The following ANKRD30B variants were observed in gnomAD, a reference collection of about 807,000 sequenced individuals.
The protein encoded by ANKRD30B is ankyrin repeat domain 30B, also known as ankyrin repeat domain-containing protein 30B.
Under a neutral mutation model 202.2 loss-of-function variants are expected in ANKRD30B, and 144 were observed. The observed-to-expected ratio is 0.71, with a 90% CI of 0.62 to 0.82. The LOEUF is 0.82. Among genes scored for constraint, ANKRD30B ranks in the 40% least tolerant of loss-of-function variants. The pLI, the probability that ANKRD30B is intolerant of heterozygous loss-of-function variation, is 0.00. For synonymous variants in ANKRD30B, 508 were observed against 561.3 expected (o/e 0.91, Z 1.34); for missense variants, 1,487 against 1,669.1 (o/e 0.89, Z 1.90).
the ANKRD30B span, among the ~76,000 whole-genome samples, chr18:14,877,101 C>A: frequency 1.3e-5 from 2 of 152,212 alleles, no homozygotes; most frequent in South Asian, 4.1e-4. Flanking sequence ...CAATCGTGAG[C>A]ACCAGGCAAA....
the ANKRD30B span, among the ~76,000 whole-genome samples, chr18:14,863,287 G>A: frequency 6.6e-6 from 1 of 152,158 alleles, no homozygotes; most frequent in Non-Finnish European, 1.5e-5. Flanking sequence ...GAATCATGGG[G>A]GTGGACTCTT....
At chr18:14,863,954 A>T in the ANKRD30B span, among the ~76,000 whole-genome samples, 1 of 151,790 alleles carries the variant, frequency 6.6e-6, no homozygotes, top group African/African-American at 2.4e-5. Context: ...TATTTAACAT[A>T]TGCAAATCAA....
chr18:14,820,847 G>A (rs1395119159), intron 30 of ANKRD30B, among the ~76,000 whole-genome samples: 20 of 152,116 alleles, frequency 1.3e-4, no homozygotes, highest in African/African-American at 9.7e-5. Context: ...GTCTCTGCCC[G>A]GCTTTGGTAT....
chr18:14,800,157 A>G (rs1018449822), intron 22 of ANKRD30B, among the ~76,000 whole-genome samples: 1 of 151,258 alleles, frequency 6.6e-6, no homozygotes, highest in Non-Finnish European at 1.5e-5. Flanking sequence ...GCTTGAACCC[A>G]TGAGGCAGAA....
chr18:14,906,794 C>T, the ANKRD30B span, among the ~76,000 whole-genome samples: 1,023 of 151,634 alleles, frequency 6.7e-3, 19 homozygotes, highest in African/African-American at 0.023. Flanking sequence ...AGAACGTGTG[C>T]TCAAGGTGGT....
chr18:14,929,494 C>T, the ANKRD30B span, among the ~76,000 whole-genome samples: 1 of 152,184 alleles, frequency 6.6e-6, no homozygotes, highest in East Asian at 1.9e-4. Flanking sequence ...ATTCCCACTG[C>T]TCTTTTTTGA....
intron 36 of ANKRD30B, 104 bp downstream of exon 36, chr18:14,837,780 A>G (rs1568063968): frequency 4.8e-6 from 6 of 1,259,470 alleles, no homozygotes; most frequent in Non-Finnish European, 6.5e-6. Context: ...GATTATGTCC[A>G]TAAGGCGGGT....
the ANKRD30B span, among the ~76,000 whole-genome samples, chr18:14,894,387 A>G: frequency 6.6e-6 from 1 of 152,154 alleles, no homozygotes; most frequent in African/African-American, 2.4e-5. Context: ...TTCTGTTTTA[A>G]AAATTACTTT....
chr18:14,762,027 C>T lies in ANKRD30B; in HGVS notation c.820+1409C>T, dbSNP rs140547594. 3.0e-3 allele frequency among the ~76,000 whole-genome samples: 460 copies of T among 152,082 alleles called. 4 individuals carry two copies. Among genetic ancestry groups the T allele is most frequent in the African/African-American group, 9.1e-3 (379 of 41,482 alleles). On this transcript the variant is annotated intron_variant, in intron 6 of 43. Coordinates refer to ENST00000690538, the MANE Select transcript of ANKRD30B (RefSeq NM_001367607.2). Reference sequence around the variant, plus strand: ...GTTTCTATTTTATATGTACTATATACGGTATTCTTACAATAAAGTGAGCTG... The same window carrying T: ...GTTTCTATTTTATATGTACTATATATGGTATTCTTACAATAAAGTGAGCTG...
intron 34 of ANKRD30B, among the ~76,000 whole-genome samples, chr18:14,832,723 A>G (rs1414622768): frequency 6.6e-6 from 1 of 152,240 alleles, no homozygotes; most frequent in Non-Finnish European, 1.5e-5. Context: ...ATGCGTTTCT[A>G]AAATATGACT....
chr18:14,799,527 C>T (rs989316310), intron 22 of ANKRD30B, among the ~76,000 whole-genome samples: 16 of 152,080 alleles, frequency 1.1e-4, no homozygotes, highest in Admixed American at 5.9e-4. Context: ...TTTAATATCC[C>T]GATAGTATAA....
chr18:14,861,713 T>C, the ANKRD30B span, among the ~76,000 whole-genome samples: 1 of 151,436 alleles, frequency 6.6e-6, no homozygotes, highest in Non-Finnish European at 1.5e-5. Context: ...GTAAGCAGAT[T>C]AGTTAGGCAG....
At chr18:14,788,091 G>A (rs1025400739) in intron 15 of ANKRD30B, among the ~76,000 whole-genome samples, 1 of 152,170 alleles carries the variant, frequency 6.6e-6, no homozygotes, top group African/African-American at 2.4e-5. Context: ...GACTCTAAAA[G>A]TTCAAGACAG....
chr18:14,849,961 C>G (rs1413523210), intron 40 of ANKRD30B, among the ~76,000 whole-genome samples: 2 of 151,004 alleles, frequency 1.3e-5, no homozygotes, highest in East Asian at 3.9e-4. Flanking sequence ...TATTCTTTTC[C>G]ATAACAGTTG....
At chr18:14,798,790 T>A (rs116802806) in intron 20 of ANKRD30B, among the ~76,000 whole-genome samples, 9,257 of 152,062 alleles carry the variant, frequency 0.061, 1,003 homozygotes, top group African/African-American at 0.21. Context: ...CTGCAGGGGG[T>A]AGCACATCAC....
chr18:14,936,037 C>G, the ANKRD30B span, among the ~76,000 whole-genome samples: 1 of 152,246 alleles, frequency 6.6e-6, no homozygotes, highest in Non-Finnish European at 1.5e-5. Context: ...TCTAAAGCAG[C>G]TGGCAAAGCC....
chr18:14,929,727 A>G, the ANKRD30B span, among the ~76,000 whole-genome samples: 1 of 152,238 alleles, frequency 6.6e-6, no homozygotes, highest in East Asian at 1.9e-4. Flanking sequence ...TTACTGCCCC[A>G]TGGAGTTCAC....
At chr18:14,876,142 A>G in the ANKRD30B span, among the ~76,000 whole-genome samples, 2 of 147,566 alleles carry the variant, frequency 1.4e-5, no homozygotes, top group East Asian at 2.0e-4. Context: ...ACAGAGTAAG[A>G]TGTGGGGGAG....
the ANKRD30B span, among the ~76,000 whole-genome samples, chr18:14,873,519 C>T: frequency 2.3e-4 from 25 of 109,668 alleles, no homozygotes; most frequent in Admixed American, 2.1e-3. Flanking sequence ...AGCAAGACTC[C>T]GTTTCAAAAA....
Sources: gnomAD v4.1 joint callset for allele counts (sites outside exome capture counted in the v4.1 genomes callset) on GRCh38, gnomAD v4.1.1 for gene constraint, MANE v1.5 for transcripts, NCBI Gene and HGNC (gene_info 2026-07-23, HGNC 2026-07-21) for gene names.